The following PLCB1 variants were observed in gnomAD, a reference collection of about 807,000 sequenced individuals.
The protein encoded by PLCB1 is 1-phosphatidylinositol 4,5-bisphosphate phosphodiesterase beta-1.
PLCB1 carries 46 observed loss-of-function variants against 161.8 expected under a neutral mutation model. The observed-to-expected ratio is 0.28, with a 90% CI of 0.22 to 0.36. The LOEUF (loss-of-function observed/expected upper bound fraction) is 0.36, where lower values mean the gene tolerates loss of function less well. Ranked by LOEUF, PLCB1 falls within the 10% of genes least tolerant of loss-of-function variation. The pLI, the probability that PLCB1 is intolerant of heterozygous loss-of-function variation, is 1.00. For missense variants in PLCB1, 1,016 were observed against 1,472.5 expected, an observed-to-expected ratio of 0.69 and a Z score of 5.07; for synonymous variants, 517 against 503.7, an observed-to-expected ratio of 1.03 and a Z score of -0.35.
chr20:8,174,008 T>C (rs2051758007), intron 2 of PLCB1, among the ~76,000 whole-genome samples: 1 of 152,066 alleles, frequency 6.6e-6, no homozygotes, highest in African/African-American at 2.4e-5. Flanking sequence ...TGTGGAACAA[T>C]AACAAAATTT....
chr20:8,418,013 T>C (rs1336399070), intron 3 of PLCB1, among the ~76,000 whole-genome samples: 1 of 152,222 alleles, frequency 6.6e-6, no homozygotes, highest in Non-Finnish European at 1.5e-5. Flanking sequence ...CTTCAACTTC[T>C]AAAAGTCCAA....
chr20:8,662,354 G>GTTTATTATA lies in PLCB1; in HGVS notation c.862+3651_862+3652insTTATTATAT, dbSNP rs1555781320. On this transcript the variant is annotated intron_variant, in intron 9 of 31. Transcript: ENST00000338037. ...TTTATTATATAATTATGTATAATAT[G>GTTTATTATA]TAATTATTTATTATATAATTATGTA... 1.0e-4 allele frequency among the ~76,000 whole-genome samples: 9 copies of GTTTATTATA among 89,606 alleles called. No individual in the cohort carries two copies. The South Asian group carries it at 1.3e-3, about 13-fold the overall frequency. The allele number at this position is 89,606 out of a possible 152,430, so 58.8% of individuals were successfully genotyped here. A position where few individuals can be genotyped will look rare whatever the true frequency, so the allele number is the denominator to read the frequency against.
chr20:8,692,923 C>G (rs963987749), intron 10 of PLCB1, among the ~76,000 whole-genome samples: 1 of 152,088 alleles, frequency 6.6e-6, no homozygotes, highest in Non-Finnish European at 1.5e-5. Context: ...TCAATGCCCA[C>G]AGTAATTGCT....
At chr20:8,515,655 C>T (rs1044540630) in intron 3 of PLCB1, among the ~76,000 whole-genome samples, 4 of 152,130 alleles carry the variant, frequency 2.6e-5, no homozygotes, top group African/African-American at 9.7e-5. Context: ...TCTGGTTGTG[C>T]ATGGCTTTGA....
intron 12 of PLCB1, among the ~76,000 whole-genome samples, chr20:8,711,505 A>C (rs2123457341): frequency 6.6e-6 from 1 of 152,296 alleles, no homozygotes; most frequent in South Asian, 2.1e-4. Context: ...ATGTGACAAA[A>C]GAAAACAGGA....
intron 2 of PLCB1, among the ~76,000 whole-genome samples, chr20:8,238,126 A>C (rs1460713828): frequency 1.3e-5 from 2 of 152,104 alleles, no homozygotes; most frequent in African/African-American, 4.8e-5. Flanking sequence ...AAATTGAACG[A>C]GTAATGATTT....
At chr20:8,839,788 T>C (rs1362798654) in intron 31 of PLCB1, among the ~76,000 whole-genome samples, 1 of 150,972 alleles carries the variant, frequency 6.6e-6, no homozygotes, top group Non-Finnish European at 1.5e-5. Context: ...GCCAGCACTT[T>C]GGGAGGCCGA....
chr20:8,832,237 C>A (rs1986048369), intron 31 of PLCB1, among the ~76,000 whole-genome samples: 1 of 152,076 alleles, frequency 6.6e-6, no homozygotes, highest in African/African-American at 2.4e-5. Context: ...GAAACTATTT[C>A]TGGCTATAAT....
chr20:8,319,683 A>G (rs1230315474), intron 2 of PLCB1, among the ~76,000 whole-genome samples: 1 of 151,652 alleles, frequency 6.6e-6, no homozygotes, highest in African/African-American at 2.4e-5. Context: ...AACCTTGGCT[A>G]GATAAACAAG....
At chr20:8,648,648 A>T (rs1423571682) in intron 6 of PLCB1, among the ~76,000 whole-genome samples, 1 of 152,248 alleles carries the variant, frequency 6.6e-6, no homozygotes, top group Non-Finnish European at 1.5e-5. Flanking sequence ...TTCTGCGAAT[A>T]CACAAATTAA....
chr20:8,677,747 A>G (rs1219276725), intron 9 of PLCB1, among the ~76,000 whole-genome samples: 4 of 152,324 alleles, frequency 2.6e-5, no homozygotes, highest in African/African-American at 9.6e-5. Flanking sequence ...CTTTTAAAAA[A>G]AAATCCAACC....
intron 10 of PLCB1, among the ~76,000 whole-genome samples, chr20:8,688,209 T>C (rs1325069533): frequency 6.6e-6 from 1 of 152,246 alleles, no homozygotes; most frequent in African/African-American, 2.4e-5. Flanking sequence ...CTGATTTGTT[T>C]GAGTTCATTG....
chr20:8,379,541 T>C (rs1987199001), intron 3 of PLCB1, among the ~76,000 whole-genome samples: 1 of 152,198 alleles, frequency 6.6e-6, no homozygotes, highest in South Asian at 2.1e-4. Context: ...TCTTCCACAA[T>C]GGTTGATCCA....
At chr20:8,878,064 T>TCTTTTTAG (rs1274963977) in intron 31 of PLCB1, among the ~76,000 whole-genome samples, 3 of 152,220 alleles carry the variant, frequency 2.0e-5, no homozygotes, top group African/African-American at 7.2e-5. Flanking sequence ...GACATTTTCT[T>TCTTTTTAG]GTATTTTACT....
intron 3 of PLCB1, among the ~76,000 whole-genome samples, chr20:8,465,746 G>A (rs1018914895): frequency 1.3e-5 from 2 of 151,776 alleles, no homozygotes; most frequent in African/African-American, 4.8e-5. Context: ...CTGGCCATCA[G>A]AGAAATGCAA....
At chr20:8,285,166 A>G (rs980477288) in intron 2 of PLCB1, among the ~76,000 whole-genome samples, 1 of 151,090 alleles carries the variant, frequency 6.6e-6, no homozygotes, top group Non-Finnish European at 1.5e-5. Flanking sequence ...TATAAACCAG[A>G]TGCTTCACTT....
chr20:8,866,184 C>T (rs976155889), intron 31 of PLCB1, among the ~76,000 whole-genome samples: 2 of 152,132 alleles, frequency 1.3e-5, no homozygotes, highest in Admixed American at 6.5e-5. Flanking sequence ...ACTTACGTGA[C>T]GAAGAAGGAA....
Position 8,628,347 on chromosome 20 carries a change from G to A in PLCB1, c.300G>A (p.Gln100=), listed in dbSNP as rs772723205. The A allele has an allele frequency of 1.2e-6, 2 of 1,614,048 alleles. No individual in the cohort carries two copies. The highest frequency in any genetic ancestry group is 1.7e-6 in the Non-Finnish European group (2 of 1,179,934). ...LDVGNIGRLE[Q]RMITVVYGPD... ...TGGGGAACATCGGGCGCCTGGAGCA[G>A]CGCATGATCACAGTGGTGTATGGGC... Residue 100 remains glutamine (Q), a synonymous_variant, in exon 4 of 32, where the codon CAG becomes CAA. Transcript: ENST00000338037.
At chr20:8,685,143 CTGT>C in intron 10 of PLCB1, 65 bp downstream of exon 10, 1 of 1,466,602 alleles carries the variant, frequency 6.8e-7, no homozygotes, top group Non-Finnish European at 9.5e-7. Flanking sequence ...CCTCTACTTT[CTGT>C]TGTTCGGAAG....
Sources: gnomAD v4.1 joint callset for allele counts (sites outside exome capture counted in the v4.1 genomes callset) on GRCh38, gnomAD v4.1.1 for gene constraint, MANE v1.5 for transcripts, NCBI Gene and HGNC (gene_info 2026-07-23, HGNC 2026-07-21) for gene names.